Variants in PLCH1 observed in about 807,000 individuals in gnomAD.
PLCH1 encodes 1-phosphatidylinositol 4,5-bisphosphate phosphodiesterase eta-1.
Under a neutral mutation model 126.7 loss-of-function variants are expected in PLCH1, and 60 were observed. That is an observed-to-expected ratio of 0.47 (90% CI 0.38 to 0.59). The LOEUF (loss-of-function observed/expected upper bound fraction) is 0.59, where lower values mean the gene tolerates loss of function less well. PLCH1 is among the 20% of genes least tolerant of loss of function. The pLI, the probability that PLCH1 is intolerant of heterozygous loss-of-function variation, is 0.00. For synonymous variants in PLCH1, 719 were observed against 734.9 expected (o/e 0.98, Z 0.35); for missense variants, 1,723 against 2,040.0 (o/e 0.84, Z 2.99).
chr3:155,503,932 T>G (rs1382347258), intron 13 of PLCH1, among the ~76,000 whole-genome samples: 2 of 152,248 alleles, frequency 1.3e-5, no homozygotes, highest in Non-Finnish European at 2.9e-5. Context: ...TGGGCCAAAG[T>G]ACTTGCACAA....
At chr3:155,708,312 T>G (rs1746842267) in intron 1 of PLCH1, among the ~76,000 whole-genome samples, 1 of 152,184 alleles carries the variant, frequency 6.6e-6, no homozygotes, top group Non-Finnish European at 1.5e-5. Flanking sequence ...AAGAGAGCTG[T>G]GCGATAAGCC....
At chr3:155,717,913 A>G (rs1269515773) in intron 1 of PLCH1, among the ~76,000 whole-genome samples, 4 of 152,222 alleles carry the variant, frequency 2.6e-5, no homozygotes, top group Non-Finnish European at 5.9e-5. Flanking sequence ...CTCTACCACA[A>G]GGCCAGGCTG....
At position 155,456,502 on chromosome 3, in the gene PLCH1, C is replaced by G. The variant is rs970603576; in HGVS notation, c.2938+28854G>C. ...CTCTTTTCTGCTCTATTTACATTCC[C>G]TACCTGGGCAACCTCACTTGATCCC... On this transcript the variant is annotated intron_variant, in intron 21 of 21. Coordinates refer to the PLCH1 transcript ENST00000494598. Among the ~76,000 whole-genome samples, 4 of 152,290 alleles carry G rather than the reference C, an allele frequency of 2.6e-5. No homozygotes were observed. The South Asian group carries it at 6.2e-4, about 24-fold the overall frequency.
intron 12 of PLCH1, among the ~76,000 whole-genome samples, chr3:155,513,578 G>T (rs1417465274): frequency 6.6e-6 from 1 of 152,166 alleles, no homozygotes; most frequent in Non-Finnish European, 1.5e-5. Context: ...GATCTTACAG[G>T]CACTTGTGGT....
chr3:155,547,584 T>C (rs1725528573), intron 10 of PLCH1, among the ~76,000 whole-genome samples: 1 of 152,062 alleles, frequency 6.6e-6, no homozygotes, highest in South Asian at 2.1e-4. Flanking sequence ...TAAAGACACA[T>C]GCACATGTAT....
intron 2 of PLCH1, among the ~76,000 whole-genome samples, chr3:155,690,565 T>C (rs990732287): frequency 1.3e-5 from 2 of 152,174 alleles, no homozygotes; most frequent in African/African-American, 4.8e-5. Context: ...TTTAAGCCCA[T>C]TGTACAAAGA....
Position 155,593,935 on chromosome 3 carries a change from G to T in PLCH1, c.470+6C>A. On this transcript the variant is annotated splice_donor_region_variant and intron_variant, in intron 4 of 22. Coordinates refer to ENST00000460012, the MANE Select transcript of PLCH1 (RefSeq NM_014996.4). ...AGAGCTGAAAATAAAGTTCTAGAAAGGATATTGGTCATGGGTCCTCTGCCT... is the reference window on the plus strand; with the variant it reads ...AGAGCTGAAAATAAAGTTCTAGAAATGATATTGGTCATGGGTCCTCTGCCT... 1 of 1,613,842 alleles carries T rather than the reference G, an allele frequency of 6.2e-7. No homozygotes were observed. The highest frequency in any genetic ancestry group is 1.3e-5 in the African/African-American group (1 of 75,052).
At chr3:155,535,182 C>A (rs1405437361) in intron 10 of PLCH1, among the ~76,000 whole-genome samples, 1 of 152,186 alleles carries the variant, frequency 6.6e-6, no homozygotes, top group Non-Finnish European at 1.5e-5. Flanking sequence ...GGGAGGCTAC[C>A]AGTAGAACTG....
At position 155,557,090 on chromosome 3, in the gene PLCH1, A is replaced by G. The variant is rs371184315; in HGVS notation, c.1070-2894T>C. ...TGTTAAGAAAACCAAAGGTTCTGAGATACTATCAGAGAGTGTCTACTATTC... is the reference window on the plus strand; with the variant it reads ...TGTTAAGAAAACCAAAGGTTCTGAGGTACTATCAGAGAGTGTCTACTATTC... On this transcript the variant is annotated intron_variant, in intron 8 of 22. Coordinates refer to ENST00000460012, the MANE Select transcript of PLCH1 (RefSeq NM_014996.4). 2.6e-5 allele frequency among the ~76,000 whole-genome samples: 4 copies of G among 152,346 alleles called. No homozygotes were observed. In the East Asian group the frequency reaches 5.8e-4, roughly 22 times the overall value.
In PLCH1 at chr3:155,481,289, G is replaced by A; in HGVS notation, c.4737C>T (p.Arg1579=). The A allele has an allele frequency of 6.2e-7, 1 of 1,614,210 alleles. No homozygotes were observed. The highest frequency in any genetic ancestry group is 8.5e-7 in the Non-Finnish European group (1 of 1,180,026). The change falls in exon 23 of 23, where the codon CGC becomes CGT. Residue 1579 remains arginine, a synonymous_variant. Coordinates refer to ENST00000460012, the MANE Select transcript of PLCH1 (RefSeq NM_014996.4). This position sits in a 1 kb window ranked among gnomAD's most constrained non-coding sequence, Gnocchi z 4.2. ...TCTCCTTGGCACGACTAGCAATATT[G>A]CGCACTCTGCTCTGACTTCTGGATG... The part of the protein sequence containing the change: ...KLSSRSQSRV[R]NIASRAKEKQ...
At chr3:155,598,087 G>A (rs1733215629) in intron 2 of PLCH1, among the ~76,000 whole-genome samples, 1 of 152,046 alleles carries the variant, frequency 6.6e-6, no homozygotes, top group Non-Finnish European at 1.5e-5. Context: ...GGGAGGTTAA[G>A]GCAGGAGAAT....
In PLCH1 at chr3:155,638,003, A is replaced by G. The variant is rs138330276; in HGVS notation, c.80-41625T>C. Among the ~76,000 whole-genome samples, 989 of 152,320 alleles carry G rather than the reference A, an allele frequency of 6.5e-3. 16 individuals carry two copies. The highest frequency in any genetic ancestry group is 0.022 in the African/African-American group (935 of 41,572). On this transcript the variant is annotated intron_variant, in intron 2 of 22. Transcript: ENST00000460012. The stretch of plus-strand genomic sequence containing the variant: ...AAGACAGTTTGCACACGATCTGCAC[A>G]TGTTTACCGTCAAATCAAAGCTTGA...
At chr3:155,458,583 G>GA (rs1560027646) in intron 21 of PLCH1, among the ~76,000 whole-genome samples, 1 of 141,608 alleles carries the variant, frequency 7.1e-6, no homozygotes, top group African/African-American at 2.9e-5. Context: ...AGAAAGAAAG[G>GA]AAGAAAGAAA....
chr3:155,676,377 G>A, intron 2 of PLCH1: 1 of 1,040,206 alleles, frequency 9.6e-7, no homozygotes, highest in South Asian at 4.5e-5. Flanking sequence ...TATGAGACAT[G>A]CATGCTTCGT....
chr3:155,488,818 A>C lies in PLCH1; in HGVS notation c.2393-12T>G, dbSNP rs1480844886. On this transcript the variant is annotated splice_polypyrimidine_tract_variant and intron_variant, in intron 19 of 22. Coordinates refer to ENST00000460012, the MANE Select transcript of PLCH1 (RefSeq NM_014996.4). ...CACAGGGTTAAATCCTCAGAGAAAT[A>C]GGAAAAGAAAAATCAGAAAAGCAAA... The C allele has an allele frequency of 2.5e-6, 4 of 1,596,642 alleles. No individual in the cohort carries two copies. Among genetic ancestry groups the C allele is most frequent in the Non-Finnish European group, 3.4e-6 (4 of 1,174,996 alleles).
chr3:155,698,739 TG>T lies in PLCH1; in HGVS notation c.79+5406del, dbSNP rs199697148. Among the ~76,000 whole-genome samples the T allele has an allele frequency of 5.8e-3, 890 of 152,288 alleles. 10 individuals carry two copies. Among genetic ancestry groups the T allele is most frequent in the African/African-American group, 0.021 (861 of 41,552 alleles). ...GGGAACCCCTACAAAGTGTCACACC[TG>T]GGTCAGGCCATGCTTCCCTCTGTCT... On this transcript the variant is annotated intron_variant, in intron 2 of 22. Coordinates refer to ENST00000460012, the MANE Select transcript of PLCH1 (RefSeq NM_014996.4).
chr3:155,739,002 C>T (rs1215295465), intron 1 of PLCH1, among the ~76,000 whole-genome samples: 1 of 152,134 alleles, frequency 6.6e-6, no homozygotes, highest in Non-Finnish European at 1.5e-5. Context: ...AACTCAGCCA[C>T]CAATTGGCTG....
intron 2 of PLCH1, among the ~76,000 whole-genome samples, chr3:155,644,535 G>A (rs992254409): frequency 7.9e-5 from 12 of 152,058 alleles, no homozygotes; most frequent in Non-Finnish European, 1.5e-4. Context: ...CCTGGGAGGC[G>A]GAAGTTGCAG....
rs187430589 is a variant in PLCH1, at chr3:155,662,485, A to C, written c.79+41661T>G. 7.2e-5 allele frequency among the ~76,000 whole-genome samples: 11 copies of C among 152,030 alleles called. No individual in the cohort carries two copies. In the East Asian group the frequency reaches 2.1e-3, roughly 29 times the overall value. On this transcript the variant is annotated intron_variant, in intron 2 of 22. Coordinates refer to ENST00000460012, the MANE Select transcript of PLCH1 (RefSeq NM_014996.4). ...CGTCTCTAAAAAAAAATTAAAAATA[A>C]AAATAAAACCTATATATGTATATAT... is the stretch of plus-strand genomic sequence containing the variant.
Sources: gnomAD v4.1 joint callset for allele counts (sites outside exome capture counted in the v4.1 genomes callset) on GRCh38, gnomAD v4.1.1 for gene constraint, Gnocchi (gnomAD v3.1) non-coding constraint, MANE v1.5 for transcripts, NCBI Gene and HGNC (gene_info 2026-07-23, HGNC 2026-07-21) for gene names.